Variants in NCAM2 observed in about 807,000 individuals in gnomAD.
NCAM2 encodes N-CAM-2.
Under a neutral mutation model 98.1 loss-of-function variants are expected in NCAM2, and 30 were observed. The observed-to-expected ratio is 0.31, with a 90% CI of 0.23 to 0.41. NCAM2 has a LOEUF of 0.41. NCAM2 is among the 10% of genes least tolerant of loss of function. The pLI, the probability that NCAM2 is intolerant of heterozygous loss-of-function variation, is 1.00. For synonymous variants in NCAM2, 368 were observed against 342.4 expected (o/e 1.07, Z -0.83); for missense variants, 867 against 1,005.8 (o/e 0.86, Z 1.87).
intron 1 of NCAM2, among the ~76,000 whole-genome samples, chr21:21,146,694 T>G (rs928142914): frequency 6.6e-6 from 1 of 151,958 alleles, no homozygotes; most frequent in Admixed American, 6.6e-5. Flanking sequence ...GCAATACATT[T>G]AATACCTTCG....
intron 2 of NCAM2, 31 bp downstream of exon 2, chr21:21,280,683 C>T (rs1220410767): frequency 1.2e-5 from 17 of 1,367,896 alleles, no homozygotes; most frequent in Middle Eastern, 2.1e-4. Context: ...CTTCAGATAA[C>T]GTGGTTTCTG....
At chr21:21,265,262 TACAC>T (rs1160456559) in intron 1 of NCAM2, among the ~76,000 whole-genome samples, 1 of 129,428 alleles carries the variant, frequency 7.7e-6, no homozygotes, top group African/African-American at 2.8e-5. Flanking sequence ...TATACGTATA[TACAC>T]ACATATATGT....
chr21:21,288,900 T>C lies in NCAM2; in HGVS notation c.481+2488T>C, dbSNP rs148960066. Among the ~76,000 whole-genome samples, 100 of 152,058 alleles carry C rather than the reference T, an allele frequency of 6.6e-4. 2 individuals carry two copies. In the East Asian group the frequency reaches 0.019, roughly 29 times the overall value. On this transcript the variant is annotated intron_variant, in intron 4 of 17. Transcript: ENST00000400546. ...TTTGATTGTAGCTGCGTGGCAGATA[T>C]TCAGAATTAAACTTCCTGCAGAAAA... is the stretch of plus-strand genomic sequence containing the variant.
At position 21,280,580 on chromosome 21, in the gene NCAM2, C is replaced by T. The variant is rs1423860257; in HGVS notation, c.58C>T (p.Leu20Phe). 5 of 1,586,596 alleles carry T rather than the reference C, an allele frequency of 3.2e-6. No homozygotes were observed. Among genetic ancestry groups the T allele is most frequent in the African/African-American group, 1.4e-5 (1 of 73,640 alleles). ...LGLLVSSGQA[L>F]LQVTISLSKV... The stretch of plus-strand genomic sequence containing the variant: ...ATTGTTTCCCAATTTTTTTTCAGCT[C>T]TTCTTCAAGTGACAATTTCACTTAG... The change falls in exon 2 of 18, where the codon CTT becomes TTT. Residue 20 changes from leucine (L) to phenylalanine (F), a missense_variant and splice_region_variant. Physicochemically the swap from Leu to Phe is conservative, Grantham distance 22. Coordinates refer to ENST00000400546, the MANE Select transcript of NCAM2 (RefSeq NM_004540.5).
intron 1 of NCAM2, among the ~76,000 whole-genome samples, chr21:21,150,160 G>C (rs758186353): frequency 6.6e-6 from 1 of 152,062 alleles, no homozygotes; most frequent in Non-Finnish European, 1.5e-5. Context: ...TGTGTTTATA[G>C]CAAAGGTATT....
intron 6 of NCAM2, 46 bp from the exon 7 acceptor site, chr21:21,335,459 T>C: frequency 6.7e-7 from 1 of 1,499,742 alleles, no homozygotes; most frequent in South Asian, 1.4e-5. Context: ...ATCTACTAAA[T>C]TATAAAGCCA....
At chr21:21,340,032 G>A (rs1243751345) in intron 8 of NCAM2, among the ~76,000 whole-genome samples, 1 of 151,680 alleles carries the variant, frequency 6.6e-6, no homozygotes, top group Non-Finnish European at 1.5e-5. Context: ...AAAAAATAAT[G>A]TATGTTACTA....
chr21:21,520,453 G>A (rs1286755946), intron 16 of NCAM2, among the ~76,000 whole-genome samples: 3 of 152,098 alleles, frequency 2.0e-5, no homozygotes, highest in African/African-American at 7.2e-5. Flanking sequence ...AGAGGGAATG[G>A]ACTGTGTAAA....
At chr21:21,491,243 CA>C (rs1434426962) in intron 15 of NCAM2, among the ~76,000 whole-genome samples, 1 of 151,732 alleles carries the variant, frequency 6.6e-6, no homozygotes, top group East Asian at 1.9e-4. Context: ...TTCATAAAAA[CA>C]TCGATCTCTA....
intron 1 of NCAM2, among the ~76,000 whole-genome samples, chr21:21,175,653 G>C (rs950929246): frequency 6.6e-6 from 1 of 152,236 alleles, no homozygotes; most frequent in Non-Finnish European, 1.5e-5. Flanking sequence ...ACCGTTAAGG[G>C]TTTAGTTGTT....
intron 8 of NCAM2, among the ~76,000 whole-genome samples, chr21:21,373,132 C>T (rs910690398): frequency 6.6e-6 from 1 of 151,730 alleles, no homozygotes; most frequent in East Asian, 1.9e-4. Context: ...ACATAATTTG[C>T]TTTCTAAAAA....
chr21:21,309,825 A>G (rs1159824335), intron 5 of NCAM2, among the ~76,000 whole-genome samples: 1 of 135,486 alleles, frequency 7.4e-6, no homozygotes, highest in Non-Finnish European at 1.6e-5. Context: ...GCTGAGACAC[A>G]GCAGGACTCA....
chr21:21,182,582 CAT>C (rs2068515805), intron 1 of NCAM2, among the ~76,000 whole-genome samples: 1 of 152,036 alleles, frequency 6.6e-6, no homozygotes, highest in South Asian at 2.1e-4. Context: ...TAAATTTTGT[CAT>C]GTGTCTGTTT....
At chr21:21,044,552 CCAGA>C (rs1177048682) in intron 1 of NCAM2, among the ~76,000 whole-genome samples, 3 of 151,212 alleles carry the variant, frequency 2.0e-5, no homozygotes, top group South Asian at 2.1e-4. Context: ...GTCTTTCTGC[CCAGA>C]CAATTAAGAT....
At chr21:21,265,991 A>T (rs1202937372) in intron 1 of NCAM2, among the ~76,000 whole-genome samples, 2 of 152,090 alleles carry the variant, frequency 1.3e-5, no homozygotes, top group Non-Finnish European at 2.9e-5. Flanking sequence ...AATATTAATG[A>T]ATAAGTGAGG....
chr21:21,288,051 C>CAACATATATGAA (rs1241237691), intron 4 of NCAM2, among the ~76,000 whole-genome samples: 2 of 151,812 alleles, frequency 1.3e-5, no homozygotes. Flanking sequence ...ATATAAAAAG[C>CAACATATATGAA]ATAGTATTTG....
chr21:21,072,159 G>A (rs954326739), intron 1 of NCAM2, among the ~76,000 whole-genome samples: 12 of 152,040 alleles, frequency 7.9e-5, no homozygotes, highest in Non-Finnish European at 1.2e-4. Context: ...CGATCCTCCC[G>A]TTTCGGCCTC....
chr21:21,120,802 T>C (rs940279557), intron 1 of NCAM2, among the ~76,000 whole-genome samples: 2 of 149,444 alleles, frequency 1.3e-5, no homozygotes, highest in African/African-American at 4.9e-5. Flanking sequence ...CACTGCAACC[T>C]CTGCCTCCCG....
At chr21:21,514,420 G>GCC (rs1988586512) in intron 16 of NCAM2, among the ~76,000 whole-genome samples, 1 of 143,402 alleles carries the variant, frequency 7.0e-6, no homozygotes, top group Non-Finnish European at 1.5e-5. Context: ...AAGTTGCAGT[G>GCC]AGCCATTGTA....
Sources: gnomAD v4.1 joint callset for allele counts (sites outside exome capture counted in the v4.1 genomes callset) on GRCh38, gnomAD v4.1.1 for gene constraint, MANE v1.5 for transcripts, NCBI Gene and HGNC (gene_info 2026-07-23, HGNC 2026-07-21) for gene names.